The following ZC3H3 variants were observed in gnomAD, a reference collection of about 807,000 sequenced individuals.
ZC3H3 encodes the protein zinc finger CCCH domain-containing protein 3.
A neutral mutation model predicts 77.3 loss-of-function variants in ZC3H3; 36 were observed. The ratio of observed to expected loss-of-function variants is 0.47; its 90% CI spans 0.36 to 0.61. The LOEUF (loss-of-function observed/expected upper bound fraction) is 0.61. ZC3H3 is among the 20% of genes least tolerant of loss of function. ZC3H3 has a pLI of 0.00. For synonymous variants in ZC3H3, 626 were observed against 555.2 expected (o/e 1.13, Z -1.79); for missense variants, 1,331 against 1,312.2 (o/e 1.01, Z -0.22).
intron 11 of ZC3H3, 83 bp from the exon 12 acceptor site, chr8:143,438,170 G>C: frequency 1.3e-6 from 2 of 1,533,548 alleles, no homozygotes; most frequent in Non-Finnish European, 1.8e-6. Context: ...TCGGGCTCAG[G>C]ATCGGGGGGC....
chr8:143,536,328 C>A lies in ZC3H3; in HGVS notation c.1490G>T (p.Gly497Val), dbSNP rs762504528. The change falls in exon 3 of 12, where the codon GGC (glycine) becomes GTC (valine). Residue 497 changes from glycine (G) to valine (V), a missense_variant. Gly to Val is a moderately radical substitution (Grantham distance 109, BLOSUM62 -3). Transcript: ENST00000262577. The stretch of plus-strand genomic sequence containing the variant: ...TCGGTGCGTGGTGACCTGTACCAGG[C>A]CCTTGTTGGGGGTCTTCTTCAGGAC... ...SPVLKKTPNK[G>V]LVQVTTHRLC... 1 of 1,611,536 alleles carries A rather than the reference C, an allele frequency of 6.2e-7. No individual in the cohort carries two copies. The highest frequency in any genetic ancestry group is 1.1e-5 in the South Asian group (1 of 90,544).
chr8:143,479,044 C>G (rs996354179), intron 4 of ZC3H3, among the ~76,000 whole-genome samples: 1 of 152,204 alleles, frequency 6.6e-6, no homozygotes, highest in Admixed American at 6.5e-5. Context: ...CAGGGCCTCC[C>G]GGGAATGGGG....
chr8:143,470,641 A>G (rs186688872), intron 5 of ZC3H3, among the ~76,000 whole-genome samples: 14 of 152,304 alleles, frequency 9.2e-5, no homozygotes, highest in Non-Finnish European at 1.5e-4. Context: ...GCAGGGACAC[A>G]CTGGCATCAC....
At chr8:143,478,293 C>T (rs544340449) in intron 4 of ZC3H3, among the ~76,000 whole-genome samples, 10 of 152,308 alleles carry the variant, frequency 6.6e-5, no homozygotes, top group East Asian at 3.9e-4. Context: ...GGATGGAGGG[C>T]GAGGCCCGGG....
At position 143,538,465 on chromosome 8, in the gene ZC3H3, C is replaced by A. The variant is rs1822881340; in HGVS notation, c.902G>T (p.Cys301Phe). Residue 301 changes from cysteine (C) to phenylalanine (F), a missense_variant, in exon 2 of 12, where the codon TGT becomes TTT. By Grantham distance (205) the Cys-to-Phe change is radical. Transcript: ENST00000262577. ...QAREASLVVTCRTNKFRKNNY... is the reference protein window; with the variant it reads ...QAREASLVVTFRTNKFRKNNY... ...GTTTTTCCGGAACTTGTTAGTTCGA[C>A]AGGTCACAACCAGCGAGGCCTCCCG... The A allele has an allele frequency of 6.2e-7, 1 of 1,613,118 alleles. No homozygotes were observed. The highest frequency in any genetic ancestry group is 2.2e-5 in the East Asian group (1 of 44,888).
intron 4 of ZC3H3, chr8:143,484,940 A>G (rs750619951): frequency 2.9e-5 from 13 of 446,052 alleles, no homozygotes; most frequent in South Asian, 2.1e-4. Flanking sequence ...TTGCAAGGAC[A>G]GTGGTATCTG....
intron 3 of ZC3H3, among the ~76,000 whole-genome samples, chr8:143,523,092 G>A (rs1300643302): frequency 6.6e-6 from 1 of 152,180 alleles, no homozygotes; most frequent in Non-Finnish European, 1.5e-5. Flanking sequence ...CACAAGCCCT[G>A]CCCAGAGGTG....
At chr8:143,504,378 G>A (rs1427546715) in intron 4 of ZC3H3, among the ~76,000 whole-genome samples, 1 of 152,206 alleles carries the variant, frequency 6.6e-6, no homozygotes, top group East Asian at 1.9e-4. Flanking sequence ...AGGACAAGGT[G>A]AGGGCTGTTG....
intron 9 of ZC3H3, among the ~76,000 whole-genome samples, chr8:143,465,222 G>A (rs1469050166): frequency 6.6e-6 from 1 of 152,150 alleles, no homozygotes. Flanking sequence ...ACCCTTGCCA[G>A]CCACGGCTCA....
intron 4 of ZC3H3, among the ~76,000 whole-genome samples, chr8:143,488,675 T>A (rs1318662508): frequency 6.6e-6 from 1 of 152,218 alleles, no homozygotes; most frequent in Non-Finnish European, 1.5e-5. Flanking sequence ...ACTCATGCCA[T>A]CTTAGGTAGG....
At chr8:143,484,764 C>A (rs1420721957) in intron 4 of ZC3H3, 2 of 350,606 alleles carry the variant, frequency 5.7e-6, no homozygotes, top group Non-Finnish European at 1.1e-5. Flanking sequence ...GGCCAGGAAT[C>A]CTGCCTAGGC....
At position 143,538,020 on chromosome 8, in the gene ZC3H3, C is replaced by G; in HGVS notation, c.1347G>C (p.Arg449=). 6.2e-7 allele frequency: 1 copy of G among 1,607,058 alleles called. No individual in the cohort carries two copies. Among genetic ancestry groups the G allele is most frequent in the Non-Finnish European group, 8.5e-7 (1 of 1,176,324 alleles). The change falls in exon 2 of 12, where the codon CGG becomes CGC. Residue 449 remains arginine, a synonymous_variant. Transcript: ENST00000262577. The stretch of plus-strand genomic sequence containing the variant: ...ATGCCCACCTTGTGCTGCTGCGTCT[C>G]CGGATGATCTTGGTGCGGCTCTTCA... ...YKVKSRTKII[R]RRSSTSLPGD...
chr8:143,540,756 G>A (rs1231766330), intron 1 of ZC3H3, among the ~76,000 whole-genome samples: 2 of 152,050 alleles, frequency 1.3e-5, no homozygotes, highest in Non-Finnish European at 2.9e-5. Flanking sequence ...GGGAGTTAGA[G>A]ACCATCCTGG....
chr8:143,478,443 C>T (rs556196089), intron 4 of ZC3H3, among the ~76,000 whole-genome samples: 11 of 152,350 alleles, frequency 7.2e-5, no homozygotes, highest in East Asian at 3.9e-4. Flanking sequence ...ACCAGGGCCG[C>T]CCCTCAGCTC....
intron 3 of ZC3H3, among the ~76,000 whole-genome samples, chr8:143,510,496 G>A (rs1821838754): frequency 6.6e-6 from 1 of 152,238 alleles, no homozygotes; most frequent in East Asian, 1.9e-4. Flanking sequence ...ATTCTGAGCT[G>A]GGCACCCAGC....
chr8:143,441,268 G>A (rs1191876703), intron 9 of ZC3H3, 148 bp from the exon 10 acceptor site: 2 of 797,026 alleles, frequency 2.5e-6, no homozygotes, highest in Non-Finnish European at 3.5e-6. Flanking sequence ...CTTCCTCTTG[G>A]AAGGCTGAGG....
chr8:143,476,389 G>C (rs1383944114), intron 4 of ZC3H3, among the ~76,000 whole-genome samples: 2 of 152,176 alleles, frequency 1.3e-5, no homozygotes, highest in Admixed American at 6.5e-5. Context: ...TAGAGGAAGA[G>C]ACCTAGGCCG....
At chr8:143,531,252 C>T (rs1302890566) in intron 3 of ZC3H3, among the ~76,000 whole-genome samples, 1 of 152,192 alleles carries the variant, frequency 6.6e-6, no homozygotes, top group African/African-American at 2.4e-5. Context: ...AGCCTCGGCA[C>T]CCGGCCAGTG....
chr8:143,491,221 CG>C (rs1214337821), intron 4 of ZC3H3, among the ~76,000 whole-genome samples: 52 of 152,170 alleles, frequency 3.4e-4, no homozygotes, highest in Non-Finnish European at 4.7e-4. Context: ...CAGGAACCCC[CG>C]GGGGGCCCTT....
Sources: gnomAD v4.1 joint callset for allele counts (sites outside exome capture counted in the v4.1 genomes callset) on GRCh38, gnomAD v4.1.1 for gene constraint, MANE v1.5 for transcripts, NCBI Gene and HGNC (gene_info 2026-07-23, HGNC 2026-07-21) for gene names.